The following PNPLA7 variants were observed in gnomAD, a reference collection of about 807,000 sequenced individuals.
PNPLA7 encodes the protein patatin-like phospholipase domain-containing protein 7.
In PNPLA7, 153 loss-of-function variants were observed where a neutral mutation model predicts 161.7. The observed-to-expected ratio is 0.95, with a 90% CI of 0.83 to 1.08. PNPLA7 has a LOEUF of 1.08. PNPLA7 is among the 50% of genes least tolerant of loss of function. The probability of loss-of-function intolerance (pLI) is 0.00; values close to 1 mark genes in which losing one functional copy is unlikely to be tolerated. For missense variants in PNPLA7, 1,739 were observed against 1,856.6 expected (o/e 0.94, Z 1.16); for synonymous variants, 809 against 782.1 (o/e 1.03, Z -0.57).
chr9:137,532,546 A>C (rs1031944692), intron 8 of PNPLA7, among the ~76,000 whole-genome samples: 1 of 152,234 alleles, frequency 6.6e-6, no homozygotes, highest in African/African-American at 2.4e-5. Flanking sequence ...TAAAGACAAA[A>C]GCTAAGAGTA....
At chr9:137,538,153 C>G (rs1393657028) in intron 8 of PNPLA7, among the ~76,000 whole-genome samples, 1 of 152,214 alleles carries the variant, frequency 6.6e-6, no homozygotes, top group Non-Finnish European at 1.5e-5. Flanking sequence ...CGAAGATGAG[C>G]ACCGGCCTTC....
At chr9:137,501,607 G>C (rs976615581) in intron 15 of PNPLA7, 43 bp downstream of exon 15, 12 of 1,577,240 alleles carry the variant, frequency 7.6e-6, no homozygotes, top group Admixed American at 1.7e-5. Flanking sequence ...ACTGGGCTAT[G>C]GCATTGGGTG....
chr9:137,520,869 T>C lies in PNPLA7; in HGVS notation c.957+767A>G, dbSNP rs1040147959. On this transcript the variant is annotated intron_variant, in intron 10 of 34. Transcript: ENST00000406427. This position sits in a 1 kb window ranked among gnomAD's most constrained non-coding sequence, Gnocchi z 5.2. ...CCCACCCGGTTCAGATAGGAGGAGC[T>C]GTCAAGGGCAACACACAGGGAGTGC... 6.6e-6 allele frequency among the ~76,000 whole-genome samples: 1 copy of C among 152,156 alleles called. No individual in the cohort carries two copies. Among genetic ancestry groups the C allele is most frequent in the African/African-American group, 2.4e-5 (1 of 41,440 alleles).
rs113332932 is a variant in PNPLA7 at position 137,486,682 on chromosome 9, G to A, written c.2198-1946C>T. On this transcript the variant is annotated intron_variant, in intron 20 of 34. Coordinates refer to ENST00000406427, the MANE Select transcript of PNPLA7 (RefSeq NM_001098537.3). The surrounding 1 kb of genome is among the most constrained non-coding windows in gnomAD (Gnocchi z 6.0). ...CCCGCCCTCAGTCCAACTCAGCACCGGGAGCCCTGGGCCTCCACCGCCCAG... is the reference window on the plus strand; with the variant it reads ...CCCGCCCTCAGTCCAACTCAGCACCAGGAGCCCTGGGCCTCCACCGCCCAG... Among the ~76,000 whole-genome samples the A allele has an allele frequency of 3.9e-5, 6 of 152,020 alleles. 1 individual carries two copies. The highest frequency in any genetic ancestry group is 1.4e-4 in the African/African-American group (6 of 41,496).
chr9:137,506,203 A>G (rs1833913748), intron 12 of PNPLA7, 120 bp from the exon 13 acceptor site: 1 of 748,656 alleles, frequency 1.3e-6, no homozygotes, highest in East Asian at 2.7e-5. Flanking sequence ...CCCTCGAGGG[A>G]GTCGGGCCCT....
rs1831279374 is a variant in PNPLA7 at position 137,462,768 on chromosome 9, T to C, written c.3409A>G (p.Thr1137Ala). The change falls in exon 30 of 35, where the codon ACG becomes GCG. Residue 1137 changes from threonine (T) to alanine (A), a missense_variant. This residue lies in a region of PNPLA7 where 703 missense variants were observed against 694.6 expected (regional missense o/e 1.01). Coordinates refer to ENST00000406427, the MANE Select transcript of PNPLA7 (RefSeq NM_001098537.3). ...IAIDVGSRDE[T>A]DLTNYGDALS... ...GCATCCCCATAGTTGGTGAGGTCCG[T>C]CTCATCTCGGCTGCCCACGTCAATG... 1 of 1,613,684 alleles carries C rather than the reference T, an allele frequency of 6.2e-7. No individual in the cohort carries two copies. The highest frequency in any genetic ancestry group is 8.5e-7 in the Non-Finnish European group (1 of 1,179,894).
chr9:137,481,006 T>A lies in PNPLA7; in HGVS notation c.2365A>T (p.Thr789Ser), dbSNP rs1485325323. ...AGGCGCCGTTTTATGTTGTCACTAG[T>A]CAGCAGCAGGGTCGGGCCTGAAAAC... ...LSAIGPTLLL[T>S]SDNIKRRLGS... The change falls in exon 22 of 35, where the codon ACT (threonine) becomes TCT (serine). Residue 789 changes from threonine to serine, a missense_variant. By Grantham distance (58) the Thr-to-Ser change is moderately conservative. This residue lies in a region of PNPLA7 where 192 missense variants were observed against 249.5 expected (regional missense o/e 0.77). Transcript: ENST00000406427. The A allele has an allele frequency of 1.9e-6, 3 of 1,551,484 alleles. No homozygotes were observed. In the African/African-American group the frequency reaches 4.1e-5, roughly 21 times the overall value.
chr9:137,474,997 C>G (rs1000575721), intron 25 of PNPLA7, among the ~76,000 whole-genome samples: 8 of 86,756 alleles, frequency 9.2e-5, no homozygotes, highest in Admixed American at 3.8e-4. Flanking sequence ...TGCGACAGAA[C>G]AAGACTCTGC....
chr9:137,466,908 C>T (rs1279835282), intron 26 of PNPLA7, among the ~76,000 whole-genome samples: 2 of 149,686 alleles, frequency 1.3e-5, no homozygotes, highest in Admixed American at 6.6e-5. Flanking sequence ...GACCCGGGCA[C>T]GGATCAGACC....
rs1475063387 is a variant in PNPLA7 at position 137,503,689 on chromosome 9, G to C, written c.1473+1925C>G. Among the ~76,000 whole-genome samples, 7 of 137,834 alleles carry C rather than the reference G, an allele frequency of 5.1e-5. No individual in the cohort carries two copies. The East Asian group carries it at 1.6e-3, about 32-fold the overall frequency. 90.4% of individuals were successfully genotyped at this position (137,834 alleles called of 152,430 possible). On this transcript the variant is annotated intron_variant, in intron 14 of 34. Coordinates refer to ENST00000406427, the MANE Select transcript of PNPLA7 (RefSeq NM_001098537.3). ...GGGAAGGAAGAAGGAGAAGGGGAGG[G>C]AAGAAAGAAGGGGAAGGAAGGAGGA...
chr9:137,502,437 G>A (rs868488665), intron 14 of PNPLA7, among the ~76,000 whole-genome samples: 19 of 151,168 alleles, frequency 1.3e-4, no homozygotes, highest in Non-Finnish European at 8.8e-5. Context: ...CCCCCCAAAA[G>A]AGAAATGACA....
In PNPLA7 at chr9:137,502,758, C is replaced by T. The variant is rs536587396; in HGVS notation, c.1474-1031G>A. Among the ~76,000 whole-genome samples the T allele has an allele frequency of 2.6e-4, 7 of 26,422 alleles. No individual in the cohort carries two copies. In the South Asian group the frequency reaches 8.9e-3, roughly 34 times the overall value. The allele number at this position is 26,422 out of a possible 152,430, so 17.3% of individuals were successfully genotyped here. ...GGGACGAGAGGGATGTGGGAGCCGGCCACGGTGACATGGACGAGGCCGCTG... is the reference window on the plus strand; with the variant it reads ...GGGACGAGAGGGATGTGGGAGCCGGTCACGGTGACATGGACGAGGCCGCTG... On this transcript the variant is annotated intron_variant, in intron 14 of 34. Transcript: ENST00000406427.
chr9:137,502,570 C>G (rs538002772), intron 14 of PNPLA7, among the ~76,000 whole-genome samples: 1 of 142,572 alleles, frequency 7.0e-6, no homozygotes, highest in Admixed American at 7.1e-5. Flanking sequence ...GAGGCCGCAT[C>G]GCCCCAGGGC....
At position 137,543,386 on chromosome 9, in the gene PNPLA7, G is replaced by T. The variant is rs762325717; in HGVS notation, c.506+46C>A. 9 of 1,612,592 alleles carry T rather than the reference G, an allele frequency of 5.6e-6. No homozygotes were observed. On this transcript the variant is annotated intron_variant, in intron 6 of 34. Coordinates refer to ENST00000406427, the MANE Select transcript of PNPLA7 (RefSeq NM_001098537.3). The surrounding 1 kb of genome is among the most constrained non-coding windows in gnomAD (Gnocchi z 6.9). ...AGCCAGGCCCCAGCGAGAAGCCCGG[G>T]GCTATGGGAGCTGCCGCAGCCCCCG...
rs58682596 is a variant in PNPLA7 at position 137,500,652 on chromosome 9, G to T, written c.1757+39C>A. 3.0e-5 allele frequency: 47 copies of T among 1,591,420 alleles called. No homozygotes were observed. The African/African-American group carries it at 5.4e-4, about 18-fold the overall frequency. On this transcript the variant is annotated intron_variant, in intron 16 of 34. Coordinates refer to ENST00000406427, the MANE Select transcript of PNPLA7 (RefSeq NM_001098537.3). This position sits in a 1 kb window ranked among gnomAD's most constrained non-coding sequence, Gnocchi z 5.5. Reference sequence around the variant, plus strand: ...GGGGAGGGGTCTCAGGGCAGGGGGGGCTGGGGCCCGCCCTGAGGTCCTGGC... The same window carrying T: ...GGGGAGGGGTCTCAGGGCAGGGGGGTCTGGGGCCCGCCCTGAGGTCCTGGC...
chr9:137,488,275 T>C (rs1432618470), intron 20 of PNPLA7, among the ~76,000 whole-genome samples: 1 of 152,216 alleles, frequency 6.6e-6, no homozygotes, highest in Non-Finnish European at 1.5e-5. Flanking sequence ...GTGGATTTAT[T>C]TTTATTTTTC....
intron 8 of PNPLA7, among the ~76,000 whole-genome samples, chr9:137,526,867 G>A (rs1378660814): frequency 6.6e-6 from 1 of 152,104 alleles, no homozygotes; most frequent in Non-Finnish European, 1.5e-5. Flanking sequence ...AATCATGTTT[G>A]GGAATAGAGA....
At chr9:137,493,789 C>T (rs2132234592) in intron 19 of PNPLA7, among the ~76,000 whole-genome samples, 1 of 152,364 alleles carries the variant, frequency 6.6e-6, no homozygotes, top group South Asian at 2.1e-4. Context: ...TGGCCTGGCT[C>T]CCTGCTGTTC....
rs1215917696 is a variant in PNPLA7, at chr9:137,499,890, C to T, written c.1757+801G>A. 6.6e-6 allele frequency among the ~76,000 whole-genome samples: 1 copy of T among 152,280 alleles called. No individual in the cohort carries two copies. Among genetic ancestry groups the T allele is most frequent in the Non-Finnish European group, 1.5e-5 (1 of 68,054 alleles). On this transcript the variant is annotated intron_variant, in intron 16 of 34. Transcript: ENST00000406427. The surrounding 1 kb of genome is among the most constrained non-coding windows in gnomAD (Gnocchi z 5.5). ...AGGCAGAAGAGCTCTGAGACCACAGCAGACATCTGGCCTATGAGGGTGCGG... is the reference window on the plus strand; with the variant it reads ...AGGCAGAAGAGCTCTGAGACCACAGTAGACATCTGGCCTATGAGGGTGCGG...
Sources: gnomAD v4.1 joint callset for allele counts (sites outside exome capture counted in the v4.1 genomes callset) on GRCh38, gnomAD v4.1.1 for gene constraint, gnomAD v4.1.1 regional missense constraint, Gnocchi (gnomAD v3.1) non-coding constraint, MANE v1.5 for transcripts, NCBI Gene and HGNC (gene_info 2026-07-23, HGNC 2026-07-21) for gene names.